ZNF783: variants seen among roughly 807,000 people sequenced by gnomAD.
ZNF783 encodes zinc finger protein 783.
Under a neutral mutation model 31.3 loss-of-function variants are expected in ZNF783, and 25 were observed. That is an observed-to-expected ratio of 0.80 (90% CI 0.58 to 1.11). The LOEUF (loss-of-function observed/expected upper bound fraction) is 1.11, where lower values mean the gene tolerates loss of function less well. ZNF783 is among the 50% of genes most tolerant of loss of function. The probability of loss-of-function intolerance (pLI) is 0.00; values close to 1 mark genes in which losing one functional copy is unlikely to be tolerated. For synonymous variants in ZNF783, 369 were observed against 319.1 expected, an observed-to-expected ratio of 1.16 and a Z score of -1.66; for missense variants, 797 against 760.0, an observed-to-expected ratio of 1.05 and a Z score of -0.57.
At chr7:149,280,323 G>C (rs541169519) in intron 5 of ZNF783, among the ~76,000 whole-genome samples, 1 of 152,314 alleles carries the variant, frequency 6.6e-6, no homozygotes, top group Admixed American at 6.5e-5. Context: ...TCCCCACCAG[G>C]GACATCCTGC....
intron 1 of ZNF783, among the ~76,000 whole-genome samples, chr7:149,263,327 T>TTA (rs1796990120): frequency 6.8e-6 from 1 of 147,250 alleles, no homozygotes; most frequent in Non-Finnish European, 1.5e-5. Flanking sequence ...TATATATATT[T>TTA]TTTTTTTAGA....
At chr7:149,280,798 G>A (rs1797448317) in intron 5 of ZNF783, among the ~76,000 whole-genome samples, 2 of 152,180 alleles carry the variant, frequency 1.3e-5, no homozygotes. Flanking sequence ...GAGACCTGGG[G>A]TCTCACGTCT....
intron 4 of ZNF783, among the ~76,000 whole-genome samples, chr7:149,274,914 A>AT (rs1563197312): frequency 6.6e-6 from 1 of 151,920 alleles, no homozygotes; most frequent in Admixed American, 6.6e-5. Flanking sequence ...CTTTAGGATT[A>AT]TTTTTTCTAT....
chr7:149,281,967 G>C lies in ZNF783; in HGVS notation c.1265G>C (p.Gly422Ala). 1.3e-6 allele frequency: 2 copies of C among 1,571,572 alleles called. No individual in the cohort carries two copies. The highest frequency in any genetic ancestry group is 1.7e-6 in the Non-Finnish European group (2 of 1,166,442). The stretch of plus-strand genomic sequence containing the variant: ...GAGGGTCGCCGCTCCGTGGCAGGGG[G>C]CCGTGCCTTGGTGGGGCGGCGGCCT... ...EPEGRRSVAGGRALVGRRPAA... is the reference protein window; with the variant it reads ...EPEGRRSVAGARALVGRRPAA... Residue 422 changes from glycine (G) to alanine (A), a missense_variant, in exon 6 of 6, where the codon GGC becomes GCC. Gly to Ala is a moderately conservative substitution (Grantham distance 60). Coordinates refer to ENST00000434415, the MANE Select transcript of ZNF783 (RefSeq NM_001195220.2).
At chr7:149,268,893 C>T (rs756999403) in intron 4 of ZNF783, among the ~76,000 whole-genome samples, 15 of 152,178 alleles carry the variant, frequency 9.9e-5, no homozygotes, top group Non-Finnish European at 1.5e-4. Context: ...TTGTGAATAA[C>T]ATTGTGATGA....
At position 149,282,375 on chromosome 7, in the gene ZNF783, G is replaced by C; in HGVS notation, c.*32G>C. 6.9e-7 allele frequency: 1 copy of C among 1,440,666 alleles called. No individual in the cohort carries two copies. The highest frequency in any genetic ancestry group is 2.5e-5 in the East Asian group (1 of 39,772). The allele number at this position is 1,440,666 out of a possible 1,614,324, so 89.2% of individuals were successfully genotyped here. On this transcript the variant is annotated 3_prime_UTR_variant, in exon 6 of 6. Coordinates refer to ENST00000434415, the MANE Select transcript of ZNF783 (RefSeq NM_001195220.2). ...AGGAGCCCACAGAGGACCCCTGGCGGGGTCTCTCCCCTGTGCCTGACGCAG... is the reference window on the plus strand; with the variant it reads ...AGGAGCCCACAGAGGACCCCTGGCGCGGTCTCTCCCCTGTGCCTGACGCAG...
In ZNF783 at chr7:149,281,546, G is replaced by C. The variant is rs370936495; in HGVS notation, c.844G>C (p.Glu282Gln). 3.4e-6 allele frequency: 5 copies of C among 1,470,456 alleles called. No homozygotes were observed. Among genetic ancestry groups the C allele is most frequent in the African/African-American group, 1.5e-5 (1 of 68,330 alleles). The allele number at this position is 1,470,456 out of a possible 1,614,324, so 91.1% of individuals were successfully genotyped here. A position where few individuals can be genotyped will look rare whatever the true frequency, so the allele number is the denominator to read the frequency against. Reference sequence around the variant, plus strand: ...CAAGACAGAGGCACAGTCTGAAGACGAGATGACGCCTGAGCGGCTCTTTCT... The same window carrying C: ...CAAGACAGAGGCACAGTCTGAAGACCAGATGACGCCTGAGCGGCTCTTTCT... ...AIKTEAQSED[E>Q]MTPERLFLGV... The change falls in exon 6 of 6, where the codon GAG (glutamate) becomes CAG (glutamine). Residue 282 changes from glutamate to glutamine, a missense_variant. By Grantham distance (29) the Glu-to-Gln change is conservative (BLOSUM62 2). Coordinates refer to ENST00000434415, the MANE Select transcript of ZNF783 (RefSeq NM_001195220.2).
chr7:149,265,355 TA>T (rs35813117), intron 1 of ZNF783, among the ~76,000 whole-genome samples: 18,813 of 151,736 alleles, frequency 0.12, 1,431 homozygotes, highest in African/African-American at 0.21. Context: ...AGGTGGAGGT[TA>T]AAAAAAAGGC....
intron 4 of ZNF783, among the ~76,000 whole-genome samples, chr7:149,274,185 T>A (rs1008123625): frequency 6.6e-6 from 1 of 152,154 alleles, no homozygotes; most frequent in Non-Finnish European, 1.5e-5. Context: ...TTTCTTGTAG[T>A]AGTTTGATAG....
intron 5 of ZNF783, among the ~76,000 whole-genome samples, chr7:149,279,632 G>GTTTTTTTTTTTTTTTTTTTTTTATTTTTT (rs1797413618): frequency 1.0e-4 from 10 of 100,322 alleles, no homozygotes; most frequent in Non-Finnish European, 2.0e-4. Flanking sequence ...TTTTATCTTT[G>GTTTTTTTTTTTTTTTTTTTTTTATTTTTT]TTTTTTTTTT....
chr7:149,266,195 C>T, intron 1 of ZNF783, 140 bp from the exon 2 acceptor site: 1 of 995,540 alleles, frequency 1.0e-6, no homozygotes, highest in Non-Finnish European at 1.4e-6. Context: ...GCCTCTCCCT[C>T]TCCCCCCCAG....
intron 4 of ZNF783, among the ~76,000 whole-genome samples, chr7:149,270,258 T>A (rs1327980284): frequency 6.6e-6 from 1 of 152,218 alleles, no homozygotes; most frequent in Non-Finnish European, 1.5e-5. Context: ...GCATTTTTTT[T>A]AGTCAGACTA....
rs1158113365 is a variant in ZNF783, at chr7:149,283,819, A to G, written c.*1476A>G. On this transcript the variant is annotated 3_prime_UTR_variant, in exon 6 of 6. Coordinates refer to ENST00000434415, the MANE Select transcript of ZNF783 (RefSeq NM_001195220.2). ...GTAACAGGCACTGGGACAAATATGAAGCCTAGCTTTGTGCTTCCTTTCAAA... is the reference window on the plus strand; with the variant it reads ...GTAACAGGCACTGGGACAAATATGAGGCCTAGCTTTGTGCTTCCTTTCAAA... 6.6e-6 allele frequency: 1 copy of G among 152,212 alleles called. No individual in the cohort carries two copies. Among genetic ancestry groups the G allele is most frequent in the Non-Finnish European group, 1.5e-5 (1 of 68,042 alleles). 9.4% of individuals were successfully genotyped at this position (152,212 alleles called of 1,614,324 possible). A position where few individuals can be genotyped will look rare whatever the true frequency, so the allele number is the denominator to read the frequency against.
At chr7:149,270,986 C>T (rs1451057271) in intron 4 of ZNF783, among the ~76,000 whole-genome samples, 1 of 152,168 alleles carries the variant, frequency 6.6e-6, no homozygotes, top group Admixed American at 6.5e-5. Context: ...CTCGCTCTGT[C>T]GCCCAGGCTG....
intron 4 of ZNF783, among the ~76,000 whole-genome samples, chr7:149,270,503 T>C (rs1446590984): frequency 1.3e-5 from 2 of 152,244 alleles, no homozygotes; most frequent in African/African-American, 4.8e-5. Flanking sequence ...AGTTGCTGCC[T>C]TAGTAGCCTC....
intron 4 of ZNF783, among the ~76,000 whole-genome samples, chr7:149,270,245 A>G (rs923240563): frequency 5.3e-5 from 8 of 151,974 alleles, no homozygotes; most frequent in African/African-American, 1.9e-4. Flanking sequence ...TCTTTTCACC[A>G]TTGCATTTTT....
At chr7:149,263,218 C>T (rs1796978269) in intron 1 of ZNF783, among the ~76,000 whole-genome samples, 1 of 151,532 alleles carries the variant, frequency 6.6e-6, no homozygotes, top group Non-Finnish European at 1.5e-5. Context: ...AGAGCTACCG[C>T]GCCCGGCCAT....
At position 149,276,508 on chromosome 7, in the gene ZNF783, A is replaced by C. The variant is rs1025947516; in HGVS notation, c.674-1891A>C. ...CTCCCGTACGTAAAGGGGAATCGGT[A>C]GCAGTGTTAGCAGGCACAGACTCAA... is the stretch of plus-strand genomic sequence containing the variant. On this transcript the variant is annotated intron_variant, in intron 4 of 5. Transcript: ENST00000434415. 35 of 985,406 alleles carry C rather than the reference A, an allele frequency of 3.6e-5. No individual in the cohort carries two copies. The African/African-American group carries it at 5.6e-4, about 16-fold the overall frequency. 61.0% of individuals were successfully genotyped at this position (985,406 alleles called of 1,614,324 possible). A position where few individuals can be genotyped will look rare whatever the true frequency, so the allele number is the denominator to read the frequency against.
intron 1 of ZNF783, 138 bp downstream of exon 1, chr7:149,262,495 A>G: frequency 1.3e-6 from 1 of 761,962 alleles, no homozygotes. Flanking sequence ...CCCCCGGCCC[A>G]TCGCCCAGCC....
Sources: allele counts gnomAD v4.1 joint callset (sites outside exome capture counted in the v4.1 genomes callset), GRCh38; gene constraint gnomAD v4.1.1; transcripts MANE v1.5; gene names NCBI Gene and HGNC (gene_info 2026-07-23, HGNC 2026-07-21).